Variants in FIG4 observed in about 807,000 individuals in gnomAD.
FIG4 encodes polyphosphoinositide phosphatase.
Under a neutral mutation model 118.6 loss-of-function variants are expected in FIG4, and 112 were observed. The observed-to-expected ratio is 0.94, with a 90% CI of 0.81 to 1.11. The LOEUF is 1.11. Ranked by LOEUF, FIG4 falls within the 50% of genes least tolerant of loss-of-function variation. The pLI is 0.00. For missense variants in FIG4, 969 were observed against 1,111.7 expected (o/e 0.87, Z 1.83); for synonymous variants, 369 against 381.2 (o/e 0.97, Z 0.37).
At chr6:109,787,803 G>C (rs892219042) in intron 18 of FIG4, among the ~76,000 whole-genome samples, 1 of 152,126 alleles carries the variant, frequency 6.6e-6, no homozygotes, top group African/African-American at 2.4e-5. Flanking sequence ...ACAGGGTTAG[G>C]TTCCTGAGAG....
intron 16 of FIG4, among the ~76,000 whole-genome samples, chr6:109,780,469 C>T (rs1777768499): frequency 1.3e-5 from 2 of 152,182 alleles, no homozygotes; most frequent in Non-Finnish European, 2.9e-5. Context: ...CATTTTGGCT[C>T]CCAAATTGCC....
chr6:109,808,266 C>G (rs1778623530), intron 22 of FIG4, among the ~76,000 whole-genome samples: 1 of 149,108 alleles, frequency 6.7e-6, no homozygotes, highest in Non-Finnish European at 1.5e-5. Context: ...GTTCCAAGAC[C>G]CTTTCATTGG....
chr6:109,812,196 C>T (rs1298655514), intron 22 of FIG4, among the ~76,000 whole-genome samples: 1 of 152,056 alleles, frequency 6.6e-6, no homozygotes, highest in Non-Finnish European at 1.5e-5. Flanking sequence ...TGAGGCCTCC[C>T]TAGCCATGCT....
intron 19 of FIG4, among the ~76,000 whole-genome samples, chr6:109,790,912 T>G (rs112303673): frequency 0.017 from 2,606 of 152,352 alleles, 90 homozygotes; most frequent in African/African-American, 0.06. Flanking sequence ...CATCAGTTGT[T>G]CATTATTTGG....
intron 4 of FIG4, among the ~76,000 whole-genome samples, chr6:109,727,749 A>C (rs1228925962): frequency 6.6e-6 from 1 of 152,230 alleles, no homozygotes; most frequent in Non-Finnish European, 1.5e-5. Flanking sequence ...CTCAGTGGGA[A>C]GGACACAGTT....
chr6:109,815,722 TGTA>T (rs1778844782), intron 22 of FIG4, among the ~76,000 whole-genome samples: 2 of 152,012 alleles, frequency 1.3e-5, no homozygotes, highest in African/African-American at 4.8e-5. Flanking sequence ...TCATTTTTTC[TGTA>T]GTAGTGGGTT....
chr6:109,780,618 G>A (rs1241138914), intron 16 of FIG4, among the ~76,000 whole-genome samples: 3 of 152,158 alleles, frequency 2.0e-5, no homozygotes, highest in African/African-American at 7.2e-5. Flanking sequence ...ACTTATTAAT[G>A]TAATATTAAT....
At chr6:109,715,648 T>A (rs893134735) in intron 2 of FIG4, among the ~76,000 whole-genome samples, 1 of 152,172 alleles carries the variant, frequency 6.6e-6, no homozygotes, top group Admixed American at 6.5e-5. Context: ...GCTGTTCTTA[T>A]CCAGAGTTAG....
At chr6:109,774,014 G>T (rs1211168794) in intron 15 of FIG4, among the ~76,000 whole-genome samples, 1 of 151,988 alleles carries the variant, frequency 6.6e-6, no homozygotes, top group Non-Finnish European at 1.5e-5. Context: ...ATCTCCCTGT[G>T]TTCCCCAGGC....
chr6:109,785,029 G>T lies in FIG4; in HGVS notation c.1948+1G>T. ...CATTTACCATTGCCCTATGATGAAG[G>T]TAGGTAACTGTTTGTGTTTTAGTTT... On this transcript the variant is annotated splice_donor_variant, in intron 17 of 22. Coordinates refer to ENST00000230124, the MANE Select transcript of FIG4 (RefSeq NM_014845.6). LOFTEE classifies it high-confidence loss of function. 1.3e-6 allele frequency: 2 copies of T among 1,553,822 alleles called. No individual in the cohort carries two copies. The highest frequency in any genetic ancestry group is 1.8e-6 in the Non-Finnish European group (2 of 1,124,692).
intron 1 of FIG4, among the ~76,000 whole-genome samples, chr6:109,698,056 T>C (rs1774785809): frequency 6.6e-6 from 1 of 151,954 alleles, no homozygotes; most frequent in South Asian, 2.1e-4. Flanking sequence ...ATCTGGCTAA[T>C]TTTTTGTATT....
chr6:109,798,130 A>G (rs770334656), intron 22 of FIG4, among the ~76,000 whole-genome samples: 1 of 152,160 alleles, frequency 6.6e-6, no homozygotes, highest in African/African-American at 2.4e-5. Flanking sequence ...AGTAATTACT[A>G]TTAGTAATGG....
chr6:109,809,328 T>C (rs78552632), intron 22 of FIG4, among the ~76,000 whole-genome samples: 8,043 of 152,282 alleles, frequency 0.053, 384 homozygotes, highest in East Asian at 0.17. Context: ...TTGCTTCTTT[T>C]GCCACTAAGT....
chr6:109,791,466 C>T lies in FIG4; in HGVS notation c.2271C>T (p.Ser757=). 1 of 1,614,004 alleles carries T rather than the reference C, an allele frequency of 6.2e-7. No individual in the cohort carries two copies. The highest frequency in any genetic ancestry group is 8.5e-7 in the Non-Finnish European group (1 of 1,180,032). The change falls in exon 20 of 23, where the codon AGC becomes AGT. Residue 757 remains serine (S), a synonymous_variant. Transcript: ENST00000230124. ...CCAGCGAGGAGGCTGTGTCCAGCAGCTCTGAGGATGACTCTGGGACTGATC... is the reference window on the plus strand; with the variant it reads ...CCAGCGAGGAGGCTGTGTCCAGCAGTTCTGAGGATGACTCTGGGACTGATC... ...PPPSEEAVSS[S]SEDDSGTDRE...
chr6:109,748,447 C>T (rs1016320280), intron 10 of FIG4, among the ~76,000 whole-genome samples: 4 of 151,784 alleles, frequency 2.6e-5, no homozygotes, highest in East Asian at 3.9e-4. Context: ...GCAGTCCTCA[C>T]GAGGTGGGGT....
At chr6:109,722,426 G>A (rs1775639345) in intron 3 of FIG4, among the ~76,000 whole-genome samples, 1 of 151,866 alleles carries the variant, frequency 6.6e-6, no homozygotes, top group African/African-American at 2.4e-5. Context: ...AGAATAACAA[G>A]ACATAGATCA....
At chr6:109,717,087 T>C (rs1241384855) in intron 3 of FIG4, among the ~76,000 whole-genome samples, 1 of 151,376 alleles carries the variant, frequency 6.6e-6, no homozygotes, top group East Asian at 1.9e-4. Flanking sequence ...CTGTTTGAAA[T>C]TGTGTTAGTA....
chr6:109,707,286 T>C (rs1455212241), intron 1 of FIG4, among the ~76,000 whole-genome samples: 1 of 140,484 alleles, frequency 7.1e-6, no homozygotes, highest in Non-Finnish European at 1.5e-5. Context: ...TGTGTATATA[T>C]ATATATGTGT....
chr6:109,709,802 A>G (rs768764176), intron 1 of FIG4, among the ~76,000 whole-genome samples: 4 of 152,102 alleles, frequency 2.6e-5, no homozygotes, highest in Non-Finnish European at 5.9e-5. Context: ...ATTTTTGCAC[A>G]TTGATTTTGT....
Sources: allele counts gnomAD v4.1 joint callset (sites outside exome capture counted in the v4.1 genomes callset), GRCh38; gene constraint gnomAD v4.1.1; transcripts MANE v1.5; gene names NCBI Gene and HGNC (gene_info 2026-07-23, HGNC 2026-07-21).